Variants in CLYBL observed in about 807,000 individuals in gnomAD.
CLYBL encodes the protein citramalyl-CoA lyase, also known as citramalyl-CoA lyase, mitochondrial.
In CLYBL, 31 loss-of-function variants were observed where a neutral mutation model predicts 38.9. That is an observed-to-expected ratio of 0.80 (90% CI 0.60 to 1.08). The LOEUF is 1.08. Among genes scored for constraint, CLYBL ranks in the 50% least tolerant of loss-of-function variants. The pLI, the probability that CLYBL is intolerant of heterozygous loss-of-function variation, is 0.00. For synonymous variants in CLYBL, 171 were observed against 158.6 expected, an observed-to-expected ratio of 1.08 and a Z score of -0.59; for missense variants, 434 against 411.6, an observed-to-expected ratio of 1.05 and a Z score of -0.47.
intron 1 of CLYBL, among the ~76,000 whole-genome samples, chr13:99,669,156 C>T (rs78791251): frequency 6.6e-6 from 1 of 152,128 alleles, no homozygotes; most frequent in Non-Finnish European, 1.5e-5. Context: ...CATGTGCCAC[C>T]ATGCCCAGCT....
At chr13:99,750,465 G>C (rs1226502112) in intron 1 of CLYBL, among the ~76,000 whole-genome samples, 1 of 152,088 alleles carries the variant, frequency 6.6e-6, no homozygotes, top group Non-Finnish European at 1.5e-5. Flanking sequence ...CACAAGGTCA[G>C]GGGTTCGAGA....
At position 99,891,368 on chromosome 13, in the gene CLYBL, G is replaced by C; in HGVS notation, c.978G>C (p.Gln326His). The stretch of plus-strand genomic sequence containing the variant: ...TGATCGACATGCCATTACTGAAGCA[G>C]GCCCAGAACACTGTTACGCTTGCCA... ...GSMIDMPLLK[Q>H]AQNTVTLATS... is the part of the protein sequence containing the mutation. The change falls in exon 8 of 9, where the codon CAG becomes CAC. Residue 326 changes from glutamine (Q) to histidine (H), a missense_variant. Coordinates refer to ENST00000339105, the MANE Select transcript of CLYBL (RefSeq NM_206808.5). 1 of 1,613,936 alleles carries C rather than the reference G, an allele frequency of 6.2e-7. No individual in the cohort carries two copies. Among genetic ancestry groups the C allele is most frequent in the Non-Finnish European group, 8.5e-7 (1 of 1,179,852 alleles).
chr13:99,905,674 G>T (rs942841909), intron 9 of CLYBL, among the ~76,000 whole-genome samples: 5 of 151,226 alleles, frequency 3.3e-5, no homozygotes, highest in African/African-American at 1.2e-4. Context: ...ACCTTAGATG[G>T]AAATTTTCAT....
intron 2 of CLYBL, among the ~76,000 whole-genome samples, chr13:99,779,632 A>G (rs2049597669): frequency 6.6e-6 from 1 of 152,228 alleles, no homozygotes; most frequent in Non-Finnish European, 1.5e-5. Flanking sequence ...CAGCAATGTC[A>G]GGTGCTACAG....
chr13:99,778,858 G>A (rs369369183), intron 2 of CLYBL, among the ~76,000 whole-genome samples: 11 of 152,242 alleles, frequency 7.2e-5, no homozygotes, highest in African/African-American at 2.6e-4. Context: ...TTCCATAGCT[G>A]CCATTTCAGT....
chr13:99,671,838 A>G (rs2047570542), intron 1 of CLYBL, among the ~76,000 whole-genome samples: 1 of 151,624 alleles, frequency 6.6e-6, no homozygotes, highest in South Asian at 2.1e-4. Flanking sequence ...GGTGACAGGG[A>G]CTCAAACTGG....
At chr13:99,761,617 G>A (rs888026222) in intron 1 of CLYBL, among the ~76,000 whole-genome samples, 3 of 152,182 alleles carry the variant, frequency 2.0e-5, no homozygotes, top group Non-Finnish European at 2.9e-5. Context: ...GAATAGGGTA[G>A]CAGTGAACAT....
Position 99,798,719 on chromosome 13 carries a change from G to A in CLYBL, c.249+25709G>A, listed in dbSNP as rs1431651544. On this transcript the variant is annotated intron_variant, in intron 2 of 8. Coordinates refer to ENST00000339105, the MANE Select transcript of CLYBL (RefSeq NM_206808.5). ...CCCACGAGACTCCAGTTATCCCACT[G>A]AACAGTTACGTTTTATAACTTCAAA... Among the ~76,000 whole-genome samples the A allele has an allele frequency of 2.0e-5, 3 of 152,134 alleles. No individual in the cohort carries two copies. The East Asian group carries it at 5.8e-4, about 29-fold the overall frequency.
intron 1 of CLYBL, among the ~76,000 whole-genome samples, chr13:99,717,243 T>C (rs1283416333): frequency 2.7e-5 from 4 of 150,788 alleles, no homozygotes; most frequent in Non-Finnish European, 4.4e-5. Context: ...CTGGACAACA[T>C]GGTGAAACCC....
In CLYBL at chr13:99,611,446, C is replaced by A. The variant is rs1387296647; in HGVS notation, c.62+4689C>A. ...TTCAGTGTGTTAATACGGTAAATTA[C>A]AGTGATTGACTTTTTAAAAGTTAAG... On this transcript the variant is annotated intron_variant, in intron 1 of 8. Transcript: ENST00000339105. 2.0e-5 allele frequency among the ~76,000 whole-genome samples: 3 copies of A among 152,144 alleles called. No homozygotes were observed. In the East Asian group the frequency reaches 5.8e-4, roughly 29 times the overall value.
intron 1 of CLYBL, among the ~76,000 whole-genome samples, chr13:99,669,359 C>T (rs1444650259): frequency 6.6e-6 from 1 of 152,092 alleles, no homozygotes; most frequent in Admixed American, 6.5e-5. Flanking sequence ...ACGTGAAGAA[C>T]ATGTAGCTTG....
At chr13:99,640,192 T>G (rs1472065868) in intron 1 of CLYBL, among the ~76,000 whole-genome samples, 1 of 152,212 alleles carries the variant, frequency 6.6e-6, no homozygotes, top group Non-Finnish European at 1.5e-5. Flanking sequence ...TGTTTCTTTT[T>G]TCACACAAAG....
chr13:99,904,239 G>C (rs185189397), intron 8 of CLYBL, among the ~76,000 whole-genome samples: 1 of 152,138 alleles, frequency 6.6e-6, no homozygotes, highest in African/African-American at 2.4e-5. Context: ...TCAGACTCTA[G>C]TCTAACCCCT....
intron 1 of CLYBL, among the ~76,000 whole-genome samples, chr13:99,762,026 TGTTCA>T (rs1454597188): frequency 1.3e-5 from 2 of 152,236 alleles, no homozygotes; most frequent in African/African-American, 4.8e-5. Flanking sequence ...TGTTTTTTGC[TGTTCA>T]GTTGTTTGAG....
intron 1 of CLYBL, among the ~76,000 whole-genome samples, chr13:99,649,988 G>A (rs1354189758): frequency 2.0e-5 from 3 of 152,126 alleles, no homozygotes; most frequent in Non-Finnish European, 2.9e-5. Context: ...GGTAGGCCAA[G>A]CGCAGTGGCT....
At chr13:99,630,324 A>G (rs2139230991) in intron 1 of CLYBL, among the ~76,000 whole-genome samples, 1 of 152,236 alleles carries the variant, frequency 6.6e-6, no homozygotes, top group South Asian at 2.1e-4. Context: ...TTTATTCTGG[A>G]GTCACTCATC....
Position 99,891,345 on chromosome 13 carries a change from A to G in CLYBL, c.955A>G (p.Ile319Val), listed in dbSNP as rs754145461. Residue 319 changes from isoleucine (I) to valine (V), a missense_variant, in exon 8 of 9, where the codon ATC becomes GTC. Coordinates refer to ENST00000339105, the MANE Select transcript of CLYBL (RefSeq NM_206808.5). Reference protein sequence around the residue: ...KGAFTFQGSMIDMPLLKQAQN... With the variant: ...KGAFTFQGSMVDMPLLKQAQN... ...GGCCTTTACTTTCCAAGGGAGTATG[A>G]TCGACATGCCATTACTGAAGCAGGC... 73 of 1,613,700 alleles carry G rather than the reference A, an allele frequency of 4.5e-5. No individual in the cohort carries two copies. The highest frequency in any genetic ancestry group is 5.9e-5 in the Non-Finnish European group (70 of 1,179,794).
Position 99,891,317 on chromosome 13 carries a change from G to A in CLYBL, c.928-1G>A. 1 of 1,608,746 alleles carries A rather than the reference G, an allele frequency of 6.2e-7. No homozygotes were observed. The highest frequency in any genetic ancestry group is 1.3e-5 in the African/African-American group (1 of 74,908). On this transcript the variant is annotated splice_acceptor_variant, in intron 7 of 8. Coordinates refer to ENST00000339105, the MANE Select transcript of CLYBL (RefSeq NM_206808.5). LOFTEE classifies it high-confidence loss of function. The stretch of plus-strand genomic sequence containing the variant: ...GGAAGTTTGTATTCTCTGTTTTCCA[G>A]GGGGCCTTTACTTTCCAAGGGAGTA...
intron 1 of CLYBL, among the ~76,000 whole-genome samples, chr13:99,626,117 A>G (rs1365853624): frequency 6.6e-6 from 1 of 152,174 alleles, no homozygotes; most frequent in African/African-American, 2.4e-5. Flanking sequence ...GCCGGTGGTG[A>G]AGCAGGGATC....
Sources: gnomAD v4.1 joint callset for allele counts (sites outside exome capture counted in the v4.1 genomes callset) on GRCh38, gnomAD v4.1.1 for gene constraint, MANE v1.5 for transcripts, NCBI Gene and HGNC (gene_info 2026-07-23, HGNC 2026-07-21) for gene names.